The following TIMD4 variants were observed in gnomAD, a reference collection of about 807,000 sequenced individuals.
The protein encoded by TIMD4 is T cell immunoglobulin and mucin domain containing 4, also known as T-cell immunoglobulin and mucin domain-containing protein 4.
Under a neutral mutation model 41.2 loss-of-function variants are expected in TIMD4, and 31 were observed. The ratio of observed to expected loss-of-function variants is 0.75; its 90% CI spans 0.57 to 1.01. The LOEUF (loss-of-function observed/expected upper bound fraction) is 1.01, where lower values mean the gene tolerates loss of function less well. Among genes scored for constraint, TIMD4 ranks in the 50% least tolerant of loss-of-function variants. TIMD4 has a pLI of 0.00. For missense variants in TIMD4, 479 were observed against 472.5 expected, an observed-to-expected ratio of 1.01 and a Z score of -0.13; for synonymous variants, 204 against 177.1, an observed-to-expected ratio of 1.15 and a Z score of -1.21.
chr5:156,935,122 A>G (rs901910327), intron 5 of TIMD4, among the ~76,000 whole-genome samples: 1 of 152,206 alleles, frequency 6.6e-6, no homozygotes, highest in African/African-American at 2.4e-5. Context: ...AAAAGAATCC[A>G]AAAATCACAA....
At chr5:156,921,616 CAAAAAAAA>C (rs66842169) in intron 7 of TIMD4, among the ~76,000 whole-genome samples, 2 of 47,270 alleles carry the variant, frequency 4.2e-5, no homozygotes, top group African/African-American at 7.2e-5. Flanking sequence ...GAGACTCTCT[CAAAAAAAA>C]AAAAAAAAAA....
At chr5:156,940,637 C>T (rs1359020144) in intron 5 of TIMD4, among the ~76,000 whole-genome samples, 3 of 150,846 alleles carry the variant, frequency 2.0e-5, no homozygotes, top group African/African-American at 4.9e-5. Flanking sequence ...CATCTCTACC[C>T]GGCCACCACC....
At chr5:156,948,935 C>A (rs1759797773) in intron 4 of TIMD4, among the ~76,000 whole-genome samples, 1 of 152,202 alleles carries the variant, frequency 6.6e-6, no homozygotes, top group African/African-American at 2.4e-5. Flanking sequence ...ATGGTAACAC[C>A]TCCCATGTGA....
At chr5:156,924,401 G>C (rs1759308384) in intron 6 of TIMD4, 1 of 417,594 alleles carries the variant, frequency 2.4e-6, no homozygotes, top group African/African-American at 2.1e-5. Context: ...TGGTTCAATG[G>C]GGGTGAGACA....
chr5:156,940,675 C>T (rs1038359901), intron 5 of TIMD4, among the ~76,000 whole-genome samples: 3 of 151,922 alleles, frequency 2.0e-5, no homozygotes, highest in African/African-American at 7.3e-5. Flanking sequence ...AGCGCCTCTG[C>T]CCGGCTGCCC....
rs1357076236 is a variant in TIMD4, at chr5:156,954,493, C to A, written c.322G>T (p.Gly108Cys). 1 of 1,614,110 alleles carries A rather than the reference C, an allele frequency of 6.2e-7. No individual in the cohort carries two copies. The highest frequency in any genetic ancestry group is 1.3e-5 in the African/African-American group (1 of 74,944). ...TILNPSESDS[G>C]VYCCRIEVPG... ...ACTTCTATGCGGCAGCAGTACACAC[C>A]GCTGTCACTTTCACTGGGGTTTAAG... Residue 108 changes from glycine (G) to cysteine (C), a missense_variant, in exon 2 of 9, where the codon GGT becomes TGT. By Grantham distance (159) the Gly-to-Cys change is radical (BLOSUM62 -3). Coordinates refer to ENST00000274532, the MANE Select transcript of TIMD4 (RefSeq NM_138379.3).
intron 5 of TIMD4, among the ~76,000 whole-genome samples, chr5:156,936,031 G>T (rs1447129063): frequency 6.6e-6 from 1 of 152,052 alleles, no homozygotes; most frequent in Non-Finnish European, 1.5e-5. Context: ...TTGAACGCAG[G>T]AGTTCAAGAC....
Position 156,949,633 on chromosome 5 carries a change from G to C in TIMD4, c.760+18C>G. On this transcript the variant is annotated intron_variant, in intron 4 of 8. Coordinates refer to ENST00000274532, the MANE Select transcript of TIMD4 (RefSeq NM_138379.3). ...TACAAAGGGTGAGGGAGGACAGAGA[G>C]AGTGAGTGTCTGCACACCTTTGGAT... 6.3e-7 allele frequency: 1 copy of C among 1,591,472 alleles called. No homozygotes were observed.
intron 5 of TIMD4, among the ~76,000 whole-genome samples, chr5:156,932,775 G>A (rs1168262168): frequency 6.6e-6 from 1 of 152,236 alleles, no homozygotes; most frequent in Non-Finnish European, 1.5e-5. Context: ...GGGAGGCCGA[G>A]GCGGATGGAT....
At chr5:156,926,759 G>A (rs1273272902) in intron 5 of TIMD4, among the ~76,000 whole-genome samples, 5 of 152,236 alleles carry the variant, frequency 3.3e-5, no homozygotes, top group African/African-American at 1.2e-4. Context: ...AAAATGTAAT[G>A]TAAATAGTTG....
intron 4 of TIMD4, 111 bp downstream of exon 4, chr5:156,949,540 A>G: frequency 5.3e-6 from 5 of 936,960 alleles, no homozygotes; most frequent in Non-Finnish European, 6.8e-6. Flanking sequence ...ATTTTATGGC[A>G]CAAAAGACCC....
intron 5 of TIMD4, among the ~76,000 whole-genome samples, chr5:156,944,766 A>G (rs1759709797): frequency 1.3e-5 from 2 of 151,800 alleles, no homozygotes; most frequent in Admixed American, 6.6e-5. Context: ...CGGCCTCCCA[A>G]AGTGCTGGGA....
At chr5:156,940,815 G>A (rs1759635800) in intron 5 of TIMD4, among the ~76,000 whole-genome samples, 1 of 152,396 alleles carries the variant, frequency 6.6e-6, no homozygotes, top group South Asian at 2.1e-4. Flanking sequence ...TCTGGGAGGT[G>A]TACCCAACAG....
chr5:156,940,858 GT>G (rs1759637037), intron 5 of TIMD4, among the ~76,000 whole-genome samples: 1 of 152,294 alleles, frequency 6.6e-6, no homozygotes, highest in African/African-American at 2.4e-5. Context: ...GACGATGGCG[GT>G]TTTGTTGAAC....
At chr5:156,946,578 G>A (rs148481403) in intron 5 of TIMD4, among the ~76,000 whole-genome samples, 5,534 of 151,960 alleles carry the variant, frequency 0.036, 313 homozygotes, top group African/African-American at 0.12. Context: ...CCAGGTTCAC[G>A]CCATTCTCCT....
At chr5:156,951,871 C>G (rs555167202) in intron 2 of TIMD4, 81 bp from the exon 3 acceptor site, 3 of 1,573,742 alleles carry the variant, frequency 1.9e-6, no homozygotes, top group Non-Finnish European at 2.6e-6. Context: ...TGGGACCCAT[C>G]CATTTCTGTT....
At chr5:156,961,360 T>G (rs79439660) in intron 1 of TIMD4, among the ~76,000 whole-genome samples, 386 of 152,294 alleles carry the variant, frequency 2.5e-3, no homozygotes, top group African/African-American at 8.8e-3. Context: ...TACCATATGA[T>G]CCAACAATCC....
At position 156,951,573 on chromosome 5, in the gene TIMD4, CGGAA is replaced by C. The variant is rs534720956; in HGVS notation, c.614_617del (p.Leu205ArgfsTer8). 55 of 1,614,086 alleles carry C rather than the reference CGGAA, an allele frequency of 3.4e-5. No individual in the cohort carries two copies. In the African/African-American group the frequency reaches 6.0e-4, roughly 18 times the overall value. ...GAGTCAGAAGACCTGTGGCTTCCTC[CGGAA>C]GGGTGCTTGGGGTTAGTGAAAGGCA... On this transcript the variant is annotated frameshift_variant, in exon 3 of 9. Transcript: ENST00000274532. LOFTEE classifies it high-confidence loss of function.
intron 2 of TIMD4, 70 bp downstream of exon 2, chr5:156,954,345 C>T: frequency 7.0e-7 from 1 of 1,427,476 alleles, no homozygotes; most frequent in South Asian, 1.3e-5. Flanking sequence ...TCACCACCAT[C>T]CACTGATCCC....
Sources: gnomAD v4.1 joint callset for allele counts (sites outside exome capture counted in the v4.1 genomes callset) on GRCh38, gnomAD v4.1.1 for gene constraint, MANE v1.5 for transcripts, NCBI Gene and HGNC (gene_info 2026-07-23, HGNC 2026-07-21) for gene names.